Variants in PLEKHG1 observed in about 807,000 individuals in gnomAD.
The protein encoded by PLEKHG1 is pleckstrin homology and RhoGEF domain containing G1.
In PLEKHG1, 44 loss-of-function variants were observed where a neutral mutation model predicts 100.8. That is an observed-to-expected ratio of 0.44 (90% CI 0.34 to 0.56). The LOEUF is 0.56. Ranked by LOEUF, PLEKHG1 falls within the 20% of genes least tolerant of loss-of-function variation. PLEKHG1 has a pLI of 0.01. For missense variants in PLEKHG1, 1,545 were observed against 1,720.9 expected (o/e 0.90, Z 1.81); for synonymous variants, 640 against 662.5 (o/e 0.97, Z 0.52).
At chr6:150,628,839 GGT>G (rs1777623295) in intron 1 of PLEKHG1, among the ~76,000 whole-genome samples, 1 of 152,170 alleles carries the variant, frequency 6.6e-6, no homozygotes, top group African/African-American at 2.4e-5. Context: ...CACTACTCCA[GGT>G]AAGAATGTAG....
intron 1 of PLEKHG1, among the ~76,000 whole-genome samples, chr6:150,613,473 C>T (rs1314164232): frequency 1.3e-5 from 2 of 152,188 alleles, no homozygotes; most frequent in African/African-American, 2.4e-5. Context: ...ACTAAATAAA[C>T]ATCACTTTGG....
chr6:150,701,112 G>C (rs1468760425), intron 3 of PLEKHG1, among the ~76,000 whole-genome samples: 1 of 151,830 alleles, frequency 6.6e-6, no homozygotes. Context: ...TTGAGGTCAG[G>C]AGTTTGAGAC....
intron 3 of PLEKHG1, among the ~76,000 whole-genome samples, chr6:150,779,337 T>C (rs1785165645): frequency 6.9e-6 from 1 of 145,026 alleles, no homozygotes; most frequent in African/African-American, 2.7e-5. Context: ...TTAAATATTG[T>C]CAAGAAGTTT....
chr6:150,684,998 C>T (rs963184035), intron 3 of PLEKHG1, among the ~76,000 whole-genome samples: 4 of 152,164 alleles, frequency 2.6e-5, no homozygotes, highest in African/African-American at 9.7e-5. Context: ...CTCTTCAACT[C>T]CCTACCACTC....
rs73780099 is a variant in PLEKHG1 at position 150,736,385 on chromosome 6, A to G, written c.411+2293A>G. Among the ~76,000 whole-genome samples, 753 of 152,372 alleles carry G rather than the reference A, an allele frequency of 4.9e-3. 6 individuals carry two copies. The highest frequency in any genetic ancestry group is 0.017 in the African/African-American group (707 of 41,594). ...AGTAATCAATTAGTAAATGGAAACT[A>G]CACTTGTCACTATTGCCAGCCTTCT... On this transcript the variant is annotated intron_variant, in intron 2 of 15. Transcript: ENST00000358517.
rs1776931356 is a variant in PLEKHG1, at chr6:150,613,390, A to C, written c.-204+13373A>C. Among the ~76,000 whole-genome samples, 3 of 148,802 alleles carry C rather than the reference A, an allele frequency of 2.0e-5. No individual in the cohort carries two copies. The Admixed American group carries it at 2.0e-4, about 10-fold the overall frequency. ...ATACATCTGCTTAGTGAAAACAGAGACTTTGTGTGGCTATGATATTTCCAG... is the reference window on the plus strand; with the variant it reads ...ATACATCTGCTTAGTGAAAACAGAGCCTTTGTGTGGCTATGATATTTCCAG... On this transcript the variant is annotated intron_variant, in intron 1 of 3. Coordinates refer to the PLEKHG1 transcript ENST00000367326.
chr6:150,626,859 A>T (rs1404663867), intron 1 of PLEKHG1, among the ~76,000 whole-genome samples: 1 of 152,090 alleles, frequency 6.6e-6, no homozygotes, highest in East Asian at 1.9e-4. Flanking sequence ...TTTTACCCCC[A>T]TTGTAGGTCT....
chr6:150,724,562 T>TTC (rs1781866684), intron 1 of PLEKHG1, among the ~76,000 whole-genome samples: 2 of 96,428 alleles, frequency 2.1e-5, no homozygotes, highest in Admixed American at 1.7e-4. Context: ...CTTTTTCTTT[T>TTC]TTTTTTTTTT....
Position 150,706,997 on chromosome 6 carries a change from TC to T in PLEKHG1, c.-98-26586del, listed in dbSNP as rs1371116705. On this transcript the variant is annotated intron_variant, in intron 3 of 3. Coordinates refer to the PLEKHG1 transcript ENST00000367326. ...TTTTCTTTTCTTTTCTTTTTCTTTT[TC>T]TTTTTTTTTTTTTTTTTTTTTTTAA... Among the ~76,000 whole-genome samples, 173 of 81,846 alleles carry T rather than the reference TC, an allele frequency of 2.1e-3. 13 individuals are homozygous for T. The highest frequency in any genetic ancestry group is 6.9e-3 in the East Asian group (20 of 2,902). The allele number at this position is 81,846 out of a possible 152,430, so 53.7% of individuals were successfully genotyped here. A position where few individuals can be genotyped will look rare whatever the true frequency, so the allele number is the denominator to read the frequency against.
At chr6:150,692,110 C>T (rs1309124659) in intron 3 of PLEKHG1, among the ~76,000 whole-genome samples, 3 of 152,272 alleles carry the variant, frequency 2.0e-5, no homozygotes, top group East Asian at 1.9e-4. Flanking sequence ...TTTAACCTCA[C>T]CCCATATAAG....
Position 150,817,643 on chromosome 6 carries a change from C to T in PLEKHG1, c.1279-540C>T, listed in dbSNP as rs187868915. 9.9e-4 allele frequency among the ~76,000 whole-genome samples: 149 copies of T among 151,166 alleles called. 1 individual carries two copies. Among genetic ancestry groups the T allele is most frequent in the African/African-American group, 3.3e-3 (136 of 41,068 alleles). ...CTCAATCTCGGCTCACTGCAACCTCCGCTTCCTGGGTTCAAGCGATTCTCC... is the reference window on the plus strand; with the variant it reads ...CTCAATCTCGGCTCACTGCAACCTCTGCTTCCTGGGTTCAAGCGATTCTCC... On this transcript the variant is annotated intron_variant, in intron 10 of 15. Transcript: ENST00000358517.
At chr6:150,623,957 G>A (rs62434096) in intron 1 of PLEKHG1, among the ~76,000 whole-genome samples, 11,432 of 152,306 alleles carry the variant, frequency 0.075, 539 homozygotes, top group Non-Finnish European at 0.1. Context: ...GTTACAGAAT[G>A]TCACAGCAGT....
chr6:150,607,367 T>A (rs551475443), intron 1 of PLEKHG1, among the ~76,000 whole-genome samples: 2 of 152,272 alleles, frequency 1.3e-5, no homozygotes, highest in South Asian at 4.2e-4. Context: ...AACACTGACA[T>A]CTGCACTTCT....
intron 2 of PLEKHG1, among the ~76,000 whole-genome samples, chr6:150,759,641 G>C (rs781234319): frequency 1.8e-4 from 27 of 152,044 alleles, no homozygotes; most frequent in Non-Finnish European, 4.0e-4. Flanking sequence ...CTAGGGTTGC[G>C]GTGAAGATGA....
Position 150,745,613 on chromosome 6 carries a change from G to A in PLEKHG1, c.411+11521G>A, listed in dbSNP as rs372123204. 3.2e-4 allele frequency among the ~76,000 whole-genome samples: 48 copies of A among 151,746 alleles called. 1 individual carries two copies. In the East Asian group the frequency reaches 6.0e-3, roughly 19 times the overall value. On this transcript the variant is annotated intron_variant, in intron 2 of 15. Transcript: ENST00000358517. ...CAGGAGAATCGCTTGAACCTGGGAGGCAGAGGTTGCAGTGAGCCTAGATCA... is the reference window on the plus strand; with the variant it reads ...CAGGAGAATCGCTTGAACCTGGGAGACAGAGGTTGCAGTGAGCCTAGATCA...
intron 1 of PLEKHG1, among the ~76,000 whole-genome samples, chr6:150,726,976 C>G (rs1204926522): frequency 6.6e-6 from 1 of 152,172 alleles, no homozygotes; most frequent in East Asian, 1.9e-4. Context: ...GAGGCTCTAA[C>G]AAAACTGCGC....
Position 150,644,334 on chromosome 6 carries a change from G to GTTTTTTTTTTTTTTTTTTTTTTTTTT in PLEKHG1, c.-158+6227_-158+6228insTTTTTTTTTTTTTTTTTTTTTTTTTT, listed in dbSNP as rs57840463. Among the ~76,000 whole-genome samples the GTTTTTTTTTTTTTTTTTTTTTTTTTT allele has an allele frequency of 5.6e-4, 66 of 117,588 alleles. 5 individuals are homozygous for GTTTTTTTTTTTTTTTTTTTTTTTTTT. Among genetic ancestry groups the GTTTTTTTTTTTTTTTTTTTTTTTTTT allele is most frequent in the African/African-American group, 1.6e-3 (47 of 28,620 alleles). The allele number at this position is 117,588 out of a possible 152,430, so 77.1% of individuals were successfully genotyped here. On this transcript the variant is annotated intron_variant, in intron 2 of 3. Transcript: ENST00000367326. ...AAGAGAGTGGTTTTTTTCTTTTCGTGTTTTTTTTTTTTTTTTTTGTTACAG... is the reference window on the plus strand; with the variant it reads ...AAGAGAGTGGTTTTTTTCTTTTCGTGTTTTTTTTTTTTTTTTTTTTTTTTTTTTTTTTTTTTTTTTTTTTGTTACAG...
chr6:150,701,601 C>A (rs113581671), intron 3 of PLEKHG1, among the ~76,000 whole-genome samples: 6 of 122,858 alleles, frequency 4.9e-5, no homozygotes, highest in African/African-American at 1.7e-4. Flanking sequence ...CTATCCCTCC[C>A]CCCTCCCCTC....
At chr6:150,827,712 AG>A in intron 14 of PLEKHG1, 3 of 1,200,080 alleles carry the variant, frequency 2.5e-6, no homozygotes, top group Non-Finnish European at 3.7e-6. Flanking sequence ...TTACGCAAAA[AG>A]GGTTTCTTAC....
Sources: allele counts gnomAD v4.1 joint callset (sites outside exome capture counted in the v4.1 genomes callset), GRCh38; gene constraint gnomAD v4.1.1; transcripts MANE v1.5; gene names NCBI Gene and HGNC (gene_info 2026-07-23, HGNC 2026-07-21).